CBL: variants seen among roughly 807,000 people sequenced by gnomAD.
The protein encoded by CBL is Cbl proto-oncogene, also known as E3 ubiquitin-protein ligase CBL.
In CBL, 45 loss-of-function variants were observed where a neutral mutation model predicts 96.9. The observed-to-expected ratio is 0.46, with a 90% CI of 0.37 to 0.60. The LOEUF (loss-of-function observed/expected upper bound fraction) is 0.60, where lower values mean the gene tolerates loss of function less well. CBL is among the 20% of genes least tolerant of loss of function. The probability of loss-of-function intolerance (pLI) is 0.00; values close to 1 mark genes in which losing one functional copy is unlikely to be tolerated. For missense variants in CBL, 1,024 were observed against 1,143.5 expected (o/e 0.90, Z 1.51); for synonymous variants, 420 against 426.8 (o/e 0.98, Z 0.20).
chr11:119,278,650 T>A lies in CBL; in HGVS notation c.1368T>A (p.Asp456Glu), dbSNP rs1167644498. 6.2e-7 allele frequency: 1 copy of A among 1,613,668 alleles called. No individual in the cohort carries two copies. The highest frequency in any genetic ancestry group is 8.5e-7 in the Non-Finnish European group (1 of 1,179,750). Reference protein sequence around the residue: ...GAEGAPSPNYDDDDDERADDT... With the variant: ...GAEGAPSPNYEDDDDERADDT... Reference sequence around the variant, plus strand: ...AGGGAGCTCCCTCCCCAAATTATGATGATGATGATGATGAACGAGCTGATG... The same window carrying A: ...AGGGAGCTCCCTCCCCAAATTATGAAGATGATGATGATGAACGAGCTGATG... The change falls in exon 9 of 16, where the codon GAT becomes GAA. Residue 456 changes from aspartate (D) to glutamate (E), a missense_variant. Physicochemically the swap from Asp to Glu is conservative, Grantham distance 45 (BLOSUM62 2). Coordinates refer to ENST00000264033, the MANE Select transcript of CBL (RefSeq NM_005188.4).
At position 119,243,759 on chromosome 11, in the gene CBL, T is replaced by A. The variant is rs114117605; in HGVS notation, c.443+11064T>A. On this transcript the variant is annotated intron_variant, in intron 2 of 15. Coordinates refer to ENST00000264033, the MANE Select transcript of CBL (RefSeq NM_005188.4). ...TTTTTTTTTCTTTTGGGAGGCAGGG[T>A]CTCTTGTCACCCAGGCAGGAATGCA... Among the ~76,000 whole-genome samples the A allele has an allele frequency of 8.0e-3, 1,209 of 151,362 alleles. 19 individuals carry two copies. The highest frequency in any genetic ancestry group is 0.028 in the African/African-American group (1,153 of 41,198).
At chr11:119,264,437 TCTTCTTTCTCTTCTC>T (rs1341554413) in intron 2 of CBL, among the ~76,000 whole-genome samples, 5 of 93,808 alleles carry the variant, frequency 5.3e-5, no homozygotes, top group African/African-American at 1.8e-4. Flanking sequence ...TCTTCTCTTC[TCTTCTTTCTCTTCTC>T]TTCTCTTCTC....
rs1354770392 is a variant in CBL at position 119,285,554 on chromosome 11, G to C, written c.1929G>C (p.Leu643=). The C allele has an allele frequency of 6.2e-7, 1 of 1,613,936 alleles. No homozygotes were observed. The highest frequency in any genetic ancestry group is 8.5e-7 in the Non-Finnish European group (1 of 1,180,028). The change falls in exon 11 of 16, where the codon CTG becomes CTC. Residue 643 remains leucine (L), a synonymous_variant. Transcript: ENST00000264033. Reference sequence around the variant, plus strand: ...CTAGGCTCGGAAGCACGTTCAGTCTGGATACCTCCATGGTGAGTCTTAATT... The same window carrying C: ...CTAGGCTCGGAAGCACGTTCAGTCTCGATACCTCCATGGTGAGTCTTAATT... ...DVPRLGSTFS[L]DTSMSMNSSP...
At position 119,299,633 on chromosome 11, in the gene CBL, C is replaced by T. The variant is rs2135322201; in HGVS notation, c.2573C>T (p.Ser858Phe). The T allele has an allele frequency of 6.2e-7, 1 of 1,614,228 alleles. No homozygotes were observed. Among genetic ancestry groups the T allele is most frequent in the Non-Finnish European group, 8.5e-7 (1 of 1,180,040 alleles). Reference protein sequence around the residue: ...ASAATASPQLSSEIENLMSQG... With the variant: ...ASAATASPQLFSEIENLMSQG... ...GCTGCCACCGCCTCACCTCAGCTCT[C>T]CAGTGAGATCGAGAACCTCATGAGT... Residue 858 changes from serine (S) to phenylalanine (F), a missense_variant, in exon 16 of 16, where the codon TCC becomes TTC. This residue lies in a region of CBL where 695 missense variants were observed against 661.6 expected (regional missense o/e 1.05). Transcript: ENST00000264033.
chr11:119,240,892 G>A (rs561109108), intron 2 of CBL, among the ~76,000 whole-genome samples: 10 of 152,130 alleles, frequency 6.6e-5, no homozygotes, highest in African/African-American at 1.9e-4. Flanking sequence ...GGCTAACATC[G>A]TGAAACCCCG....
At chr11:119,246,578 A>G (rs947486685) in intron 2 of CBL, among the ~76,000 whole-genome samples, 2 of 152,088 alleles carry the variant, frequency 1.3e-5, no homozygotes, top group Admixed American at 1.3e-4. Context: ...CAGCCTCCCG[A>G]GTAGCTGGGA....
chr11:119,226,395 A>G (rs543549915), intron 1 of CBL, among the ~76,000 whole-genome samples: 2 of 152,132 alleles, frequency 1.3e-5, no homozygotes, highest in Admixed American at 1.3e-4. Context: ...CTTTTATGCA[A>G]ATTTTATTAT....
intron 2 of CBL, among the ~76,000 whole-genome samples, chr11:119,245,527 G>A (rs1049077622): frequency 1.4e-4 from 21 of 151,934 alleles, no homozygotes; most frequent in African/African-American, 4.8e-4. Context: ...TCAGGAGTTC[G>A]AGACCAGCCT....
intron 1 of CBL, among the ~76,000 whole-genome samples, chr11:119,209,470 T>C (rs1391831824): frequency 6.6e-6 from 1 of 152,114 alleles, no homozygotes; most frequent in Non-Finnish European, 1.5e-5. Flanking sequence ...AATACAAAAA[T>C]TAGCTGGGTG....
intron 1 of CBL, among the ~76,000 whole-genome samples, chr11:119,208,572 G>A (rs1421784410): frequency 6.6e-6 from 1 of 151,878 alleles, no homozygotes; most frequent in Non-Finnish European, 1.5e-5. Context: ...TGTATTTTTA[G>A]TAGAGACGGG....
At chr11:119,247,744 A>G (rs1949643276) in intron 2 of CBL, among the ~76,000 whole-genome samples, 2 of 152,162 alleles carry the variant, frequency 1.3e-5, no homozygotes, top group African/African-American at 4.8e-5. Flanking sequence ...CCCGGCAGGC[A>G]GGGGTTGCAG....
In CBL at chr11:119,306,889, A is replaced by C. The variant is rs73003102; in HGVS notation, c.*7108A>C. 7 of 231,356 alleles carry C rather than the reference A, an allele frequency of 3.0e-5. No individual in the cohort carries two copies. The highest frequency in any genetic ancestry group is 4.4e-5 in the African/African-American group (2 of 45,224). The allele number at this position is 231,356 out of a possible 1,614,324, so 14.3% of individuals were successfully genotyped here. A position where few individuals can be genotyped will look rare whatever the true frequency, so the allele number is the denominator to read the frequency against. On this transcript the variant is annotated 3_prime_UTR_variant, in exon 16 of 16. Coordinates refer to ENST00000264033, the MANE Select transcript of CBL (RefSeq NM_005188.4). ...CTGGCTGTGGTGACTTGGGATTTTTAACCTTATATATCTTTTTCCTTTACT... is the reference window on the plus strand; with the variant it reads ...CTGGCTGTGGTGACTTGGGATTTTTCACCTTATATATCTTTTTCCTTTACT...
intron 2 of CBL, among the ~76,000 whole-genome samples, chr11:119,237,215 C>G (rs956811593): frequency 6.6e-6 from 1 of 152,218 alleles, no homozygotes; most frequent in Non-Finnish European, 1.5e-5. Context: ...GACTATTTAT[C>G]TTCTTTGGAG....
intron 12 of CBL, chr11:119,289,719 T>TGCACTCTTGA (rs1320571607): frequency 1.3e-5 from 2 of 152,166 alleles, no homozygotes; most frequent in African/African-American, 4.8e-5. Flanking sequence ...GATTCCATCA[T>TGCACTCTTGA]GCACTCTTGA....
chr11:119,282,029 T>C (rs936256581), intron 9 of CBL, among the ~76,000 whole-genome samples: 1 of 152,156 alleles, frequency 6.6e-6, no homozygotes, highest in East Asian at 1.9e-4. Flanking sequence ...TTCTGGAGCC[T>C]TATATGCTAT....
chr11:119,296,821 C>A, intron 12 of CBL, 97 bp from the exon 13 acceptor site: 1 of 721,020 alleles, frequency 1.4e-6, no homozygotes, highest in South Asian at 1.5e-5. Context: ...TTGCTCTGTT[C>A]AATTTGAGTT....
intron 1 of CBL, among the ~76,000 whole-genome samples, chr11:119,220,869 T>C (rs1284715687): frequency 2.6e-5 from 4 of 152,202 alleles, no homozygotes; most frequent in Non-Finnish European, 4.4e-5. Flanking sequence ...TTTCAAATTA[T>C]TGTCTAATGA....
At chr11:119,236,453 G>T (rs1592379255) in intron 2 of CBL, among the ~76,000 whole-genome samples, 2 of 151,788 alleles carry the variant, frequency 1.3e-5, no homozygotes, top group Admixed American at 1.3e-4. Context: ...TCAATGTATG[G>T]ATATACCATA....
At chr11:119,226,192 T>G (rs950034636) in intron 1 of CBL, among the ~76,000 whole-genome samples, 7 of 152,098 alleles carry the variant, frequency 4.6e-5, no homozygotes, top group Non-Finnish European at 8.8e-5. Flanking sequence ...GGGACAGTAG[T>G]TGTGTTATGG....
Sources: allele counts gnomAD v4.1 joint callset (sites outside exome capture counted in the v4.1 genomes callset), GRCh38; gene constraint gnomAD v4.1.1; regional missense constraint gnomAD v4.1.1; transcripts MANE v1.5; gene names NCBI Gene and HGNC (gene_info 2026-07-23, HGNC 2026-07-21).